KCNQ5: variants seen among roughly 807,000 people sequenced by gnomAD.
KCNQ5 encodes potassium voltage-gated channel subfamily KQT member 5.
KCNQ5 carries 30 observed loss-of-function variants against 98.2 expected under a neutral mutation model. The ratio of observed to expected loss-of-function variants is 0.31; its 90% CI spans 0.23 to 0.41. The LOEUF is 0.41. Ranked by LOEUF, KCNQ5 falls within the 10% of genes least tolerant of loss-of-function variation. KCNQ5 has a pLI of 1.00. For missense variants in KCNQ5, 835 were observed against 1,182.5 expected, an observed-to-expected ratio of 0.71 and a Z score of 4.31; for synonymous variants, 458 against 449.4, an observed-to-expected ratio of 1.02 and a Z score of -0.24.
rs141219575 is a variant in KCNQ5 at position 73,017,306 on chromosome 6, T to A, written c.489+13308T>A. ...TAGGTTAATTCATCATTTTTTAAGT[T>A]CCCACTTTAGGACATATCCACACAA... On this transcript the variant is annotated intron_variant, in intron 2 of 13. Coordinates refer to ENST00000370398, the MANE Select transcript of KCNQ5 (RefSeq NM_019842.4). Among the ~76,000 whole-genome samples the A allele has an allele frequency of 2.0e-3, 298 of 152,252 alleles. 1 individual carries two copies. Among genetic ancestry groups the A allele is most frequent in the Middle Eastern group, 0.014 (4 of 294 alleles).
intron 4 of KCNQ5, 78 bp from the exon 5 acceptor site, chr6:73,077,684 T>A (rs1362950100): frequency 1.4e-6 from 2 of 1,381,280 alleles, no homozygotes. Context: ...GTAAAGTGAA[T>A]AGAATCCTCA....
chr6:72,988,013 A>G (rs954057866), intron 1 of KCNQ5, among the ~76,000 whole-genome samples: 12 of 152,202 alleles, frequency 7.9e-5, no homozygotes, highest in African/African-American at 2.7e-4. Flanking sequence ...AAGGACAACT[A>G]TCTTGATGGG....
chr6:73,110,102 G>A (rs1301466789), intron 6 of KCNQ5, among the ~76,000 whole-genome samples: 2 of 152,054 alleles, frequency 1.3e-5, no homozygotes, highest in African/African-American at 2.4e-5. Context: ...CCATCTTTGA[G>A]CTACTCTAAA....
In KCNQ5 at chr6:72,732,715, A is replaced by G. The variant is rs561930021; in HGVS notation, c.398+110128A>G. On this transcript the variant is annotated intron_variant, in intron 1 of 13. Transcript: ENST00000370398. ...TCAGACTTGCATTTCAGAAAAATGA[A>G]TATAGAGGTACAGTGAGAATGGGTT... Among the ~76,000 whole-genome samples the G allele has an allele frequency of 1.4e-3, 211 of 152,322 alleles. 1 individual carries two copies. Among genetic ancestry groups the G allele is most frequent in the Non-Finnish European group, 2.3e-3 (155 of 68,014 alleles).
intron 1 of KCNQ5, among the ~76,000 whole-genome samples, chr6:72,936,486 T>A (rs1394419567): frequency 6.6e-6 from 1 of 152,040 alleles, no homozygotes; most frequent in African/African-American, 2.4e-5. Flanking sequence ...GAAAGAAAAA[T>A]TAAACACTTC....
At chr6:72,798,030 TATAAA>T (rs750138270) in intron 1 of KCNQ5, among the ~76,000 whole-genome samples, 8 of 152,170 alleles carry the variant, frequency 5.3e-5, no homozygotes, top group Non-Finnish European at 1.2e-4. Context: ...GTATGCAAGA[TATAAA>T]ATACTAAACA....
At chr6:73,128,732 C>T (rs1049835763) in intron 9 of KCNQ5, among the ~76,000 whole-genome samples, 1 of 152,206 alleles carries the variant, frequency 6.6e-6, no homozygotes, top group African/African-American at 2.4e-5. Flanking sequence ...ATTTTAAAAG[C>T]TTTGCTAGAA....
intron 1 of KCNQ5, among the ~76,000 whole-genome samples, chr6:72,634,762 T>A (rs2098923014): frequency 6.6e-6 from 1 of 152,074 alleles, no homozygotes; most frequent in South Asian, 2.1e-4. Context: ...GAGATGGGGT[T>A]TTGTTATGTT....
Position 73,091,873 on chromosome 6 carries a change from G to A in KCNQ5, c.919-13384G>A, listed in dbSNP as rs192254180. On this transcript the variant is annotated intron_variant, in intron 5 of 13. Coordinates refer to ENST00000370398, the MANE Select transcript of KCNQ5 (RefSeq NM_019842.4). ...TTTTTCTAATTCTGTGAAGAATGAT[G>A]GTGGTATTTTGATGGAAATTGCATT... Among the ~76,000 whole-genome samples the A allele has an allele frequency of 3.9e-3, 594 of 152,048 alleles. 5 individuals are homozygous for A. The highest frequency in any genetic ancestry group is 0.037 in the Middle Eastern group (11 of 294).
chr6:72,664,400 T>C (rs570479812), intron 1 of KCNQ5, among the ~76,000 whole-genome samples: 19 of 152,292 alleles, frequency 1.2e-4, no homozygotes, highest in African/African-American at 4.6e-4. Context: ...ATCCCTGTAA[T>C]CCCAGCACGT....
chr6:72,705,951 C>T lies in KCNQ5; in HGVS notation c.398+83364C>T, dbSNP rs116070385. Among the ~76,000 whole-genome samples the T allele has an allele frequency of 9.4e-3, 1,426 of 151,658 alleles. 25 individuals carry two copies. The highest frequency in any genetic ancestry group is 0.031 in the African/African-American group (1,275 of 41,388). ...TTGTGTGTGTGTGTGAACATTTAAACGAAAGAAAAAATAACAAACTATTAA... is the reference window on the plus strand; with the variant it reads ...TTGTGTGTGTGTGTGAACATTTAAATGAAAGAAAAAATAACAAACTATTAA... On this transcript the variant is annotated intron_variant, in intron 1 of 13. Transcript: ENST00000370398.
At chr6:72,687,270 T>G (rs1768004956) in intron 1 of KCNQ5, among the ~76,000 whole-genome samples, 1 of 152,176 alleles carries the variant, frequency 6.6e-6, no homozygotes, top group South Asian at 2.1e-4. Flanking sequence ...GAGTGGAAAA[T>G]CATCTTTCTT....
Position 73,194,933 on chromosome 6 carries a change from T to C in KCNQ5, c.2318T>C (p.Leu773Ser), listed in dbSNP as rs754116511. Residue 773 changes from leucine to serine, a missense_variant, in exon 14 of 14, where the codon TTA (leucine) becomes TCA (serine). Transcript: ENST00000370398. ...PETLHPNPAG[L>S]QESISDVTTC... ...ACTCTGCACCCTAACCCTGCAGGCT[T>C]ACAGGAAAGCATTTCTGACGTCACC... The C allele has an allele frequency of 1.2e-6, 2 of 1,614,132 alleles. No individual in the cohort carries two copies. Among genetic ancestry groups the C allele is most frequent in the South Asian group, 1.1e-5 (1 of 91,084 alleles).
intron 5 of KCNQ5, among the ~76,000 whole-genome samples, chr6:73,087,539 A>G (rs1335762368): frequency 6.6e-6 from 1 of 152,184 alleles, no homozygotes; most frequent in Non-Finnish European, 1.5e-5. Flanking sequence ...ATAAATTTGG[A>G]GTGTTTAGCA....
At chr6:73,033,131 A>T (rs1771226299) in intron 2 of KCNQ5, among the ~76,000 whole-genome samples, 1 of 152,132 alleles carries the variant, frequency 6.6e-6, no homozygotes, top group African/African-American at 2.4e-5. Flanking sequence ...TGGGATGCAT[A>T]GGGCCACTCC....
intron 1 of KCNQ5, among the ~76,000 whole-genome samples, chr6:72,939,303 C>G (rs1766112945): frequency 6.6e-6 from 1 of 152,162 alleles, no homozygotes; most frequent in Admixed American, 6.5e-5. Flanking sequence ...AGACTGCCAA[C>G]CCACCACAGC....
chr6:72,949,034 G>A (rs892561426), intron 1 of KCNQ5, among the ~76,000 whole-genome samples: 2 of 151,904 alleles, frequency 1.3e-5, no homozygotes, highest in Admixed American at 1.3e-4. Context: ...GGCAATGTTC[G>A]TATTTTTTTA....
Position 72,636,977 on chromosome 6 carries a change from G to A in KCNQ5, c.398+14390G>A, listed in dbSNP as rs182665737. Among the ~76,000 whole-genome samples, 6 of 152,304 alleles carry A rather than the reference G, an allele frequency of 3.9e-5. No individual in the cohort carries two copies. In the East Asian group the frequency reaches 5.8e-4, roughly 15 times the overall value. On this transcript the variant is annotated intron_variant, in intron 1 of 13. Coordinates refer to ENST00000370398, the MANE Select transcript of KCNQ5 (RefSeq NM_019842.4). ...CCCTTGGGAAACTTTGGAGCTCGGC[G>A]TTCAGCTGCCTGTGCAAGTGGGCGT... is the stretch of plus-strand genomic sequence containing the variant.
chr6:73,105,797 T>C (rs977435637), intron 6 of KCNQ5, among the ~76,000 whole-genome samples: 2 of 152,202 alleles, frequency 1.3e-5, no homozygotes, highest in Non-Finnish European at 2.9e-5. Context: ...CATATGACCT[T>C]AAAGGGTGTT....
Sources: allele counts gnomAD v4.1 joint callset (sites outside exome capture counted in the v4.1 genomes callset), GRCh38; gene constraint gnomAD v4.1.1; transcripts MANE v1.5; gene names NCBI Gene and HGNC (gene_info 2026-07-23, HGNC 2026-07-21).